NBPF10: variants seen among roughly 807,000 people sequenced by gnomAD.
The protein encoded by NBPF10 is NBPF family member NBPF10.
NBPF10 carries 63 observed loss-of-function variants against 77.9 expected under a neutral mutation model. The observed-to-expected ratio is 0.81, with a 90% confidence interval of 0.66 to 1.00. The LOEUF is 1.00. Among genes scored for constraint, NBPF10 ranks in the 50% least tolerant of loss-of-function variants. NBPF10 has a pLI of 0.00. For missense variants in NBPF10, 522 were observed against 679.8 expected, an observed-to-expected ratio of 0.77 and a Z score of 2.58; for synonymous variants, 146 against 264.5, an observed-to-expected ratio of 0.55 and a Z score of 4.35.
At chr1:146,134,242 C>G (rs1553794021) in exon 9 of NBPF10, 31 of 1,599,658 alleles carry the variant, frequency 1.9e-5, no homozygotes, top group Non-Finnish European at 2.6e-5. Flanking sequence ...ACTTGAACAT[C>G]TTCATCGTCA....
intron 15 of NBPF10, among the ~76,000 whole-genome samples, chr1:146,125,062 GA>G (rs1658447527): frequency 2.8e-5 from 2 of 72,650 alleles, no homozygotes; most frequent in Non-Finnish European, 5.2e-5. Flanking sequence ...GGGAGAGGGA[GA>G]GAGAGAGAGA....
At chr1:146,073,182 G>T (rs1274118058) in intron 81 of NBPF10, among the ~76,000 whole-genome samples, 1 of 56,478 alleles carries the variant, frequency 1.8e-5, no homozygotes, top group Non-Finnish European at 3.2e-5. Context: ...GACACTCTGA[G>T]TTAGTGCCCT....
exon 14 of NBPF10, chr1:146,126,310 T>A: frequency 6.8e-7 from 1 of 1,460,488 alleles, no homozygotes. Flanking sequence ...CTGGCATGAG[T>A]CAGTCAGTTC....
chr1:146,142,265 CATTG>C (rs1306492145), intron 2 of NBPF10, among the ~76,000 whole-genome samples: 4 of 112,796 alleles, frequency 3.5e-5, no homozygotes, highest in Admixed American at 9.5e-5. Context: ...GAGGAGGCAA[CATTG>C]ATTGAGTGAA....
chr1:146,123,504 A>G (rs1658323929), intron 17 of NBPF10, among the ~76,000 whole-genome samples: 1 of 102,408 alleles, frequency 9.8e-6, no homozygotes, highest in Non-Finnish European at 1.9e-5. Flanking sequence ...ACACACACAC[A>G]CACACACACA....
intron 13 of NBPF10, among the ~76,000 whole-genome samples, 188 bp from the exon 14 acceptor site, chr1:146,126,596 GACACACACACACACACAC>G (rs56881979): frequency 8.8e-6 from 1 of 113,604 alleles, no homozygotes; most frequent in Non-Finnish European, 2.0e-5. Context: ...GAACGAGAAA[GACACACACACACACACAC>G]ACACACACAC....
intron 8 of NBPF10, 114 bp downstream of exon 8, chr1:146,135,193 A>G: frequency 1.9e-6 from 1 of 516,062 alleles, no homozygotes; most frequent in East Asian, 3.2e-5. Context: ...TCATGGCCAC[A>G]TAAGCTTAGT....
intron 35 of NBPF10, among the ~76,000 whole-genome samples, chr1:146,109,345 CAGAGAGAGAGAG>C (rs782284106): frequency 3.3e-4 from 21 of 63,482 alleles, no homozygotes; most frequent in African/African-American, 5.6e-4. Flanking sequence ...CACACACACA[CAGAGAGAGAGAG>C]AGAGAACGAG....
In NBPF10 at chr1:146,074,092, GA is replaced by G. The variant is rs1241855635; in HGVS notation, c.10078+178del. Among the ~76,000 whole-genome samples the G allele has an allele frequency of 3.8e-5, 3 of 78,430 alleles. 1 individual carries two copies. The highest frequency in any genetic ancestry group is 1.1e-4 in the Non-Finnish European group (3 of 27,426). The allele number at this position is 78,430 out of a possible 152,430, so 51.5% of individuals were successfully genotyped here. On this transcript the variant is annotated intron_variant, in intron 80 of 89. Coordinates refer to ENST00000583866, the Ensembl canonical transcript of NBPF10. ...GACTAGGAAGAGAGCCTTGCTCACTGACCCATCCCTTGTCTGGGCTTCCAAG... is the reference window on the plus strand; with the variant it reads ...GACTAGGAAGAGAGCCTTGCTCACTGCCCATCCCTTGTCTGGGCTTCCAAG...
Position 146,126,045 on chromosome 1 carries a change from G to C in NBPF10, c.2026+191C>G, listed in dbSNP as rs879947627. Among the ~76,000 whole-genome samples, 78 of 151,836 alleles carry C rather than the reference G, an allele frequency of 5.1e-4. 2 individuals carry two copies. Among genetic ancestry groups the C allele is most frequent in the African/African-American group, 1.9e-3 (78 of 41,414 alleles). ...GGCATGGCCTGAGACTAGGAAGAGA[G>C]CCTTGCTCACTGACCCATCCCTTGT... On this transcript the variant is annotated intron_variant, in intron 14 of 89. Transcript: ENST00000583866.
rs587693781 is a variant in NBPF10 at position 146,140,219 on chromosome 1, G to C, written c.567-199C>G. Reference sequence around the variant, plus strand: ...CTGCCATGGGAGCCAGAGAGGAAGAGAGCAGCTGGTGTTCAGTGCACTGAA... The same window carrying C: ...CTGCCATGGGAGCCAGAGAGGAAGACAGCAGCTGGTGTTCAGTGCACTGAA... On this transcript the variant is annotated intron_variant, in intron 4 of 89. Coordinates refer to ENST00000583866, the Ensembl canonical transcript of NBPF10. Among the ~76,000 whole-genome samples, 275 of 128,142 alleles carry C rather than the reference G, an allele frequency of 2.1e-3. 2 individuals are homozygous for C. Among genetic ancestry groups the C allele is most frequent in the African/African-American group, 6.7e-3 (262 of 39,258 alleles). 84.1% of individuals were successfully genotyped at this position (128,142 alleles called of 152,430 possible).
intron 5 of NBPF10, among the ~76,000 whole-genome samples, chr1:146,139,004 G>A (rs1219483345): frequency 1.2e-4 from 17 of 139,328 alleles, no homozygotes; most frequent in Middle Eastern, 3.7e-3. Context: ...GGCTGGTTTC[G>A]AACTCCTGAG....
rs1659671885 is a variant in NBPF10, at chr1:146,136,065, T to G, written c.1091+288A>C. Among the ~76,000 whole-genome samples, 5 of 148,652 alleles carry G rather than the reference T, an allele frequency of 3.4e-5. No individual in the cohort carries two copies. In the South Asian group the frequency reaches 1.1e-3, roughly 32 times the overall value. ...TGATGGCACACCATTTTGAGTATACTGAATGCTGCTGTGTGGTTCACACTC... is the reference window on the plus strand; with the variant it reads ...TGATGGCACACCATTTTGAGTATACGGAATGCTGCTGTGTGGTTCACACTC... On this transcript the variant is annotated intron_variant, in intron 7 of 89. Coordinates refer to ENST00000583866, the Ensembl canonical transcript of NBPF10.
Position 146,124,994 on chromosome 1 carries a change from A to G in NBPF10, c.2079-134T>C, listed in dbSNP as rs1370639214. 1.4e-5 allele frequency: 4 copies of G among 283,082 alleles called. 1 individual carries two copies. Among genetic ancestry groups the G allele is most frequent in the African/African-American group, 1.8e-4 (2 of 11,186 alleles). 17.5% of individuals were successfully genotyped at this position (283,082 alleles called of 1,614,324 possible). A position where few individuals can be genotyped will look rare whatever the true frequency, so the allele number is the denominator to read the frequency against. On this transcript the variant is annotated intron_variant, in intron 15 of 89. Transcript: ENST00000583866. ...AGATCCATTAACGAGGTAATGAATT[A>G]TTGCCTTTATGTTGGGATAGACCAG... is the stretch of plus-strand genomic sequence containing the variant.
In NBPF10 at chr1:146,126,340, G is replaced by T. The variant is rs782431279; in HGVS notation, c.1922C>A (p.Ser641Ter). 32 of 1,311,280 alleles carry T rather than the reference G, an allele frequency of 2.4e-5. No homozygotes were observed. The African/African-American group carries it at 4.4e-4, about 18-fold the overall frequency. 81.2% of individuals were successfully genotyped at this position (1,311,280 alleles called of 1,614,324 possible). A position where few individuals can be genotyped will look rare whatever the true frequency, so the allele number is the denominator to read the frequency against. The change falls in exon 14 of 90, where the codon TCA (serine) becomes TAA (stop). Residue 641 changes from serine (S) to a stop codon, truncating the protein, a stop_gained. Transcript: ENST00000583866. LOFTEE classifies it high-confidence loss of function. Reference sequence around the variant, plus strand: ...CAGTTCAAGACAACCTGAAGGAGTTGAATAACATCTATCCTGTGAGTCCTG... The same window carrying T: ...CAGTTCAAGACAACCTGAAGGAGTTTAATAACATCTATCCTGTGAGTCCTG...
At chr1:146,123,537 G>A (rs1553788924) in intron 17 of NBPF10, among the ~76,000 whole-genome samples, 1 of 106,774 alleles carries the variant, frequency 9.4e-6, no homozygotes, top group Middle Eastern at 4.3e-3. Context: ...GAGAGAGAGA[G>A]AACGAGCTCA....
intron 13 of NBPF10, 58 bp from the exon 14 acceptor site, chr1:146,126,466 C>G (rs1379424095): frequency 7.8e-6 from 6 of 774,174 alleles, no homozygotes; most frequent in South Asian, 2.7e-5. Context: ...CCACACAGCC[C>G]CAGCTAGATT....
intron 71 of NBPF10, among the ~76,000 whole-genome samples, chr1:146,081,030 C>CTG (rs1656266521): frequency 3.4e-4 from 12 of 35,436 alleles, no homozygotes; most frequent in Non-Finnish European, 6.7e-4. Context: ...CACACACACA[C>CTG]AGAGAGAGAG....
intron 13 of NBPF10, among the ~76,000 whole-genome samples, 175 bp from the exon 14 acceptor site, chr1:146,126,583 G>A (rs1239574414): frequency 7.8e-6 from 1 of 128,548 alleles, no homozygotes; most frequent in Admixed American, 8.9e-5. Context: ...GGTAGAAAAG[G>A]ATGAACGAGA....
Sources: gnomAD v4.1 joint callset for allele counts (sites outside exome capture counted in the v4.1 genomes callset) on GRCh38, gnomAD v4.1.1 for gene constraint, MANE v1.5 for transcripts, NCBI Gene and HGNC (gene_info 2026-07-23, HGNC 2026-07-21) for gene names.